The following SLC12A9 variants were observed in gnomAD, a reference collection of about 807,000 sequenced individuals.
SLC12A9 encodes CCC-interacting protein 1.
Under a neutral mutation model 66.0 loss-of-function variants are expected in SLC12A9, and 55 were observed. The ratio of observed to expected loss-of-function variants is 0.83; its 90% CI spans 0.67 to 1.04. SLC12A9 has a LOEUF of 1.04. Ranked by LOEUF, SLC12A9 falls within the 50% of genes least tolerant of loss-of-function variation. The pLI is 0.00. For missense variants in SLC12A9, 1,061 were observed against 1,241.9 expected (o/e 0.85, Z 2.19); for synonymous variants, 577 against 569.0 (o/e 1.01, Z -0.20).
Position 100,862,783 on chromosome 7 carries a change from C to T in SLC12A9, c.1814C>T (p.Ser605Phe), listed in dbSNP as rs868166245. 3 of 1,614,240 alleles carry T rather than the reference C, an allele frequency of 1.9e-6. No individual in the cohort carries two copies. Among genetic ancestry groups the T allele is most frequent in the South Asian group, 1.1e-5 (1 of 91,088 alleles). Residue 605 changes from serine to phenylalanine, a missense_variant, in exon 13 of 14, where the codon TCC (serine) becomes TTC (phenylalanine). Transcript: ENST00000354161. ...KAFVDLTLSP[S>F]VRQGAQHLLR... Reference sequence around the variant, plus strand: ...TTTGTGGATCTAACCCTCTCACCCTCCGTGCGCCAGGGGGCTCAGCATCTG... The same window carrying T: ...TTTGTGGATCTAACCCTCTCACCCTTCGTGCGCCAGGGGGCTCAGCATCTG...
Position 100,861,667 on chromosome 7 carries a change from T to C in SLC12A9, c.1537-70T>C. The C allele has an allele frequency of 1.9e-6, 3 of 1,609,628 alleles. No homozygotes were observed. In the South Asian group the frequency reaches 3.3e-5, roughly 18 times the overall value. ...TCTTTGGCTGGAGTTGGTGCTCCCG[T>C]CCAGGAGGCGCTGAACGGGGCTGTG... On this transcript the variant is annotated intron_variant, in intron 11 of 13. Coordinates refer to ENST00000354161, the MANE Select transcript of SLC12A9 (RefSeq NM_020246.4). This position sits in a 1 kb window ranked among gnomAD's most constrained non-coding sequence, Gnocchi z 5.3.
At chr7:100,827,686 G>C (rs771292899) in intron 1 of SLC12A9, among the ~76,000 whole-genome samples, 5 of 152,144 alleles carry the variant, frequency 3.3e-5, no homozygotes, top group East Asian at 1.9e-4. Context: ...GGAGCAGGTC[G>C]GGAAGTTGAG....
Position 100,854,238 on chromosome 7 carries a change from T to A in SLC12A9, c.41T>A (p.Leu14Gln), listed in dbSNP as rs1316595014. 6.3e-7 allele frequency: 1 copy of A among 1,577,020 alleles called. No individual in the cohort carries two copies. The highest frequency in any genetic ancestry group is 8.5e-7 in the Non-Finnish European group (1 of 1,170,532). The stretch of plus-strand genomic sequence containing the variant: ...TCACCTCTGCTGGCCTACCGGCTCC[T>A]GGGGGAGGAGGGGGTTGCCCTCCCT... ...ESSPLLAYRL[L>Q]GEEGVALPAN... The change falls in exon 2 of 14, where the codon CTG becomes CAG. Residue 14 changes from leucine to glutamine, a missense_variant. Leu to Gln is a moderately radical substitution (Grantham distance 113). Coordinates refer to ENST00000354161, the MANE Select transcript of SLC12A9 (RefSeq NM_020246.4).
At chr7:100,847,387 G>T (rs1813941785) in intron 1 of SLC12A9, among the ~76,000 whole-genome samples, 4 of 152,204 alleles carry the variant, frequency 2.6e-5, no homozygotes, top group Non-Finnish European at 5.9e-5. Flanking sequence ...TACAGATGTG[G>T]CCTTTGGCTT....
intron 13 of SLC12A9, 115 bp from the exon 14 acceptor site, chr7:100,865,604 G>A: frequency 3.8e-6 from 6 of 1,562,874 alleles, no homozygotes; most frequent in Non-Finnish European, 4.3e-6. Flanking sequence ...CGTACACAGT[G>A]GGAATGTCAT....
intron 1 of SLC12A9, among the ~76,000 whole-genome samples, chr7:100,829,685 C>T (rs1813505708): frequency 1.3e-5 from 2 of 152,298 alleles, no homozygotes; most frequent in East Asian, 1.9e-4. Flanking sequence ...AAACCCCTGC[C>T]CTGCCTTTTG....
intron 2 of SLC12A9, 54 bp downstream of exon 2, chr7:100,854,432 G>A (rs1217547986): frequency 4.4e-6 from 7 of 1,598,818 alleles, no homozygotes; most frequent in Admixed American, 1.8e-5. Context: ...AGGACATGAT[G>A]GGGAGGGGTG....
At chr7:100,859,472 T>C (rs778461098) in intron 7 of SLC12A9, 18 of 383,780 alleles carry the variant, frequency 4.7e-5, no homozygotes, top group Non-Finnish European at 8.6e-5. Flanking sequence ...TCCCAGCACT[T>C]TGGGAGGCTG....
upstream of SLC12A9, among the ~76,000 whole-genome samples, chr7:100,851,754 G>T (rs1814087061): frequency 8.0e-6 from 1 of 124,310 alleles, no homozygotes; most frequent in Non-Finnish European, 1.6e-5. Context: ...TCGCGCCACT[G>T]CACTCCAGCC....
chr7:100,866,452 C>T lies in SLC12A9; in HGVS notation c.2592C>T (p.Pro864=), dbSNP rs1815105784. ...GGPEGGDAEG[P]ITALTFLYLP... ...CGGAGGGTGGGGATGCTGAGGGCCC[C>T]ATCACAGCCCTCACCTTCCTGTACT... Residue 864 remains proline, a synonymous_variant, in exon 14 of 14, where the codon CCC becomes CCT. Coordinates refer to ENST00000354161, the MANE Select transcript of SLC12A9 (RefSeq NM_020246.4). The surrounding 1 kb of genome is among the most constrained non-coding windows in gnomAD (Gnocchi z 7.3). The T allele has an allele frequency of 1.3e-6, 2 of 1,550,278 alleles. No individual in the cohort carries two copies. Among genetic ancestry groups the T allele is most frequent in the Non-Finnish European group, 8.7e-7 (1 of 1,147,342 alleles).
intron 4 of SLC12A9, 165 bp downstream of exon 4, chr7:100,856,002 C>A: frequency 9.3e-7 from 1 of 1,079,636 alleles, no homozygotes; most frequent in Non-Finnish European, 1.3e-6. Context: ...ATATGGACAT[C>A]CCTGAGATTG....
upstream of SLC12A9, among the ~76,000 whole-genome samples, chr7:100,851,598 G>A (rs768823618): frequency 6.6e-6 from 1 of 151,340 alleles, no homozygotes; most frequent in Non-Finnish European, 1.5e-5. Context: ...TTCCAGAGAG[G>A]CCTGGGCAAC....
chr7:100,834,710 C>T (rs915885900), intron 1 of SLC12A9, among the ~76,000 whole-genome samples: 8 of 151,962 alleles, frequency 5.3e-5, no homozygotes, highest in Admixed American at 2.6e-4. Flanking sequence ...GATGAATCCT[C>T]ATCTCTACAA....
chr7:100,858,751 G>A, intron 5 of SLC12A9, 84 bp from the exon 6 acceptor site: 2 of 1,314,384 alleles, frequency 1.5e-6, no homozygotes, highest in Non-Finnish European at 2.2e-6. Flanking sequence ...GAGGACCGTG[G>A]GAATGTGTGG....
chr7:100,828,238 G>C (rs577919058), intron 1 of SLC12A9, among the ~76,000 whole-genome samples: 3 of 152,188 alleles, frequency 2.0e-5, no homozygotes, highest in African/African-American at 7.2e-5. Flanking sequence ...AGGAAACAAC[G>C]GTAAAGAAAA....
At position 100,854,605 on chromosome 7, in the gene SLC12A9, C is replaced by A. The variant is rs1814271651; in HGVS notation, c.182-15C>A. 3.7e-6 allele frequency: 6 copies of A among 1,613,754 alleles called. No individual in the cohort carries two copies. The East Asian group carries it at 1.3e-4, about 36-fold the overall frequency. ...TGTGAGTCCCCTGTGACCTGATTTG[C>A]TGCTCCTGCCTCAGGGTTCGTGGTG... is the stretch of plus-strand genomic sequence containing the variant. On this transcript the variant is annotated splice_polypyrimidine_tract_variant and intron_variant, in intron 2 of 13. Coordinates refer to ENST00000354161, the MANE Select transcript of SLC12A9 (RefSeq NM_020246.4).
In SLC12A9 at chr7:100,857,131, C is replaced by T. The variant is rs1476847329; in HGVS notation, c.712C>T (p.His238Tyr). 6.2e-7 allele frequency: 1 copy of T among 1,614,118 alleles called. No homozygotes were observed. Among genetic ancestry groups the T allele is most frequent in the South Asian group, 1.1e-5 (1 of 91,084 alleles). Residue 238 changes from histidine (H) to tyrosine (Y), a missense_variant, in exon 5 of 14, where the codon CAC becomes TAC. Transcript: ENST00000354161. ...CTCCTCCCTGCCGCCCCGGTTTGGC[C>T]ACTTCACCGGCTTCAACAGCAGTAC... ...NGSSLPPRFG[H>Y]FTGFNSSTLK...
At chr7:100,855,514 C>T in intron 3 of SLC12A9, 192 bp from the exon 4 acceptor site, 1 of 671,834 alleles carries the variant, frequency 1.5e-6, no homozygotes, top group Non-Finnish European at 2.5e-6. Context: ...ATTTCTAGTC[C>T]AACAATCTCA....
At chr7:100,856,136 G>T in intron 4 of SLC12A9, 1 of 232,762 alleles carries the variant, frequency 4.3e-6, no homozygotes. Flanking sequence ...GGGGAAGGTG[G>T]ACTCTCTGAT....
Sources: allele counts gnomAD v4.1 joint callset (sites outside exome capture counted in the v4.1 genomes callset), GRCh38; gene constraint gnomAD v4.1.1; non-coding constraint Gnocchi (gnomAD v3.1); transcripts MANE v1.5; gene names NCBI Gene and HGNC (gene_info 2026-07-23, HGNC 2026-07-21).